OPA1: variants seen among roughly 807,000 people sequenced by gnomAD.
OPA1 encodes the protein OPA1 mitochondrial dynamin like GTPase.
Under a neutral mutation model 152.9 loss-of-function variants are expected in OPA1, and 59 were observed. That is an observed-to-expected ratio of 0.39 (90% confidence interval 0.31 to 0.48). The LOEUF (loss-of-function observed/expected upper bound fraction) is 0.48, where lower values mean the gene tolerates loss of function less well. OPA1 is among the 20% of genes least tolerant of loss of function. The pLI is 0.96. For missense variants in OPA1, 1,008 were observed against 1,216.8 expected (o/e 0.83, Z 2.55); for synonymous variants, 400 against 389.9 (o/e 1.03, Z -0.31).
intron 6 of OPA1, among the ~76,000 whole-genome samples, chr3:193,620,546 C>A (rs6770913): frequency 0.5 from 75,334 of 151,932 alleles, 19,059 homozygotes; most frequent in African/African-American, 0.57. Flanking sequence ...TTTGACAATA[C>A]ATGTCCTTGT....
chr3:193,625,969 T>C, intron 6 of OPA1, 123 bp from the exon 7 acceptor site: 1 of 773,366 alleles, frequency 1.3e-6, no homozygotes, highest in East Asian at 2.5e-5. Flanking sequence ...TTTAAATGAG[T>C]TTCCATTTCT....
chr3:193,650,452 A>G (rs1712120775), intron 21 of OPA1, among the ~76,000 whole-genome samples: 1 of 152,126 alleles, frequency 6.6e-6, no homozygotes, highest in African/African-American at 2.4e-5. Context: ...TATTTTCCAC[A>G]TATTTTATTA....
At chr3:193,677,265 G>A (rs1273457482) in intron 29 of OPA1, among the ~76,000 whole-genome samples, 4 of 147,534 alleles carry the variant, frequency 2.7e-5, no homozygotes, top group Non-Finnish European at 4.5e-5. Context: ...CAAAAGGCCA[G>A]TGCACAATTT....
At chr3:193,643,919 T>TAA in intron 15 of OPA1, 56 bp from the exon 16 acceptor site, 1 of 1,582,194 alleles carries the variant, frequency 6.3e-7, no homozygotes, top group South Asian at 1.1e-5. Flanking sequence ...TACTGAGTTT[T>TAA]AAAAGTCTAC....
intron 21 of OPA1, among the ~76,000 whole-genome samples, chr3:193,654,008 A>C (rs996258699): frequency 6.6e-6 from 1 of 152,182 alleles, no homozygotes; most frequent in Non-Finnish European, 1.5e-5. Context: ...TGTAATTACC[A>C]TATGATCCAA....
intron 6 of OPA1, among the ~76,000 whole-genome samples, chr3:193,622,069 T>C (rs1369122234): frequency 6.6e-5 from 10 of 152,166 alleles, no homozygotes; most frequent in East Asian, 1.9e-4. Flanking sequence ...GTAAGAAATA[T>C]GGCGATTCAG....
Position 193,594,796 on chromosome 3 carries a change from C to T in OPA1, c.32+1387C>T, listed in dbSNP as rs185899564. ...ATTATTGCATAGGTATTTTTAATCTCATGGAATTTTAGTCTTTGAGTAAGT... is the reference window on the plus strand; with the variant it reads ...ATTATTGCATAGGTATTTTTAATCTTATGGAATTTTAGTCTTTGAGTAAGT... On this transcript the variant is annotated intron_variant, in intron 1 of 30. Transcript: ENST00000361510. Among the ~76,000 whole-genome samples, 405 of 152,306 alleles carry T rather than the reference C, an allele frequency of 2.7e-3. 2 individuals carry two copies. Among genetic ancestry groups the T allele is most frequent in the Non-Finnish European group, 4.3e-3 (294 of 68,034 alleles).
Position 193,615,701 on chromosome 3 carries a change from C to A in OPA1, c.379C>A (p.Pro127Thr), listed in dbSNP as rs547958808. The A allele has an allele frequency of 3.7e-6, 6 of 1,609,994 alleles. No individual in the cohort carries two copies. Among genetic ancestry groups the A allele is most frequent in the Non-Finnish European group, 4.2e-6 (5 of 1,176,548 alleles). The change falls in exon 3 of 31, where the codon CCG (proline) becomes ACG (threonine). Residue 127 changes from proline (P) to threonine (T), a missense_variant. Pro to Thr is a conservative substitution (Grantham distance 38). Around this residue, in one of 7 missense-constraint regions of OPA1, gnomAD observed 408 missense variants for 395.1 expected, o/e 1.03. Coordinates refer to ENST00000361510, the MANE Select transcript of OPA1 (RefSeq NM_130837.3). ...TTTTGATCAGTGGAAAGATATGATA[C>A]CGGACCTTAGTGAATATAAATGGAT... ...KTFDQWKDMIPDLSEYKWIVP... is the reference protein window; with the variant it reads ...KTFDQWKDMITDLSEYKWIVP...
chr3:193,595,409 A>G (rs1725330880), intron 1 of OPA1, among the ~76,000 whole-genome samples: 1 of 151,414 alleles, frequency 6.6e-6, no homozygotes, highest in East Asian at 2.0e-4. Flanking sequence ...TCAATGAACA[A>G]GAGAGTAGAT....
chr3:193,665,441 TC>T (rs2109259432), intron 27 of OPA1, among the ~76,000 whole-genome samples: 1 of 152,196 alleles, frequency 6.6e-6, no homozygotes, highest in South Asian at 2.1e-4. Context: ...ATGGAAATCA[TC>T]CTGCAAAACA....
intron 29 of OPA1, among the ~76,000 whole-genome samples, chr3:193,687,577 T>G (rs1396632888): frequency 6.6e-6 from 1 of 152,230 alleles, no homozygotes; most frequent in African/African-American, 2.4e-5. Context: ...TTTCTAATGG[T>G]GAAATAGTTA....
chr3:193,596,340 T>TTTCCTTTC (rs1204679679), intron 1 of OPA1, among the ~76,000 whole-genome samples: 166 of 79,300 alleles, frequency 2.1e-3, no homozygotes, highest in African/African-American at 4.5e-3. Flanking sequence ...CCTTTCCTTT[T>TTTCCTTTC]CTTTTCTTTT....
At chr3:193,623,585 A>G (rs1730541790) in intron 6 of OPA1, among the ~76,000 whole-genome samples, 1 of 152,218 alleles carries the variant, frequency 6.6e-6, no homozygotes, top group Non-Finnish European at 1.5e-5. Context: ...GTCAGGAGAT[A>G]TTAAGAGACT....
intron 1 of OPA1, among the ~76,000 whole-genome samples, chr3:193,596,335 CCTTTT>C (rs1387755590): frequency 7.9e-5 from 10 of 126,646 alleles, no homozygotes; most frequent in African/African-American, 1.1e-4. Context: ...CCTTTCCTTT[CCTTTT>C]CTTTTCTTTT....
intron 13 of OPA1, 117 bp downstream of exon 13, chr3:193,643,166 T>C: frequency 1.0e-6 from 1 of 955,332 alleles, no homozygotes. Context: ...ATGTAGAGCT[T>C]TTAAAAAAAA....
intron 25 of OPA1, among the ~76,000 whole-genome samples, chr3:193,661,006 A>G (rs1362298551): frequency 6.6e-6 from 1 of 152,244 alleles, no homozygotes; most frequent in Non-Finnish European, 1.5e-5. Context: ...TAAAGTCTCT[A>G]GAACAGTTGG....
chr3:193,693,711 T>C (rs1721973001), intron 30 of OPA1, among the ~76,000 whole-genome samples: 1 of 152,204 alleles, frequency 6.6e-6, no homozygotes, highest in Non-Finnish European at 1.5e-5. Flanking sequence ...AAGCTAAACA[T>C]AATTTTTGTG....
At chr3:193,627,988 A>G (rs568198118) in intron 7 of OPA1, among the ~76,000 whole-genome samples, 1 of 152,242 alleles carries the variant, frequency 6.6e-6, no homozygotes, top group South Asian at 2.1e-4. Context: ...ATGCTCTTTT[A>G]TAGTGAAATT....
intron 6 of OPA1, chr3:193,624,314 G>C (rs1192274601): frequency 6.6e-6 from 1 of 152,130 alleles, no homozygotes; most frequent in Non-Finnish European, 1.5e-5. Context: ...AAGAAATGTG[G>C]AATATTTTCT....
Sources: gnomAD v4.1 joint callset for allele counts (sites outside exome capture counted in the v4.1 genomes callset) on GRCh38, gnomAD v4.1.1 for gene constraint, gnomAD v4.1.1 regional missense constraint, MANE v1.5 for transcripts, NCBI Gene and HGNC (gene_info 2026-07-23, HGNC 2026-07-21) for gene names.